STARD13: variants seen among roughly 807,000 people sequenced by gnomAD.
STARD13 encodes StAR related lipid transfer domain containing 13, also known as stAR-related lipid transfer protein 13.
STARD13 carries 62 observed loss-of-function variants against 106.4 expected under a neutral mutation model. The observed-to-expected ratio is 0.58, with a 90% CI of 0.48 to 0.72. The LOEUF is 0.72. Ranked by LOEUF, STARD13 falls within the 30% of genes least tolerant of loss-of-function variation. The pLI is 0.00. For missense variants in STARD13, 1,387 were observed against 1,424.0 expected, an observed-to-expected ratio of 0.97 and a Z score of 0.42; for synonymous variants, 565 against 553.0, an observed-to-expected ratio of 1.02 and a Z score of -0.31.
At chr13:33,675,000 C>G in the STARD13 span, among the ~76,000 whole-genome samples, 1 of 152,146 alleles carries the variant, frequency 6.6e-6, no homozygotes, top group East Asian at 1.9e-4. Flanking sequence ...TAATCCAAGC[C>G]CACTGCTATT....
At chr13:33,640,820 T>C in the STARD13 span, among the ~76,000 whole-genome samples, 1 of 152,190 alleles carries the variant, frequency 6.6e-6, no homozygotes. Context: ...AGAATAGGAA[T>C]TGTTTTTCTT....
intron 2 of STARD13, among the ~76,000 whole-genome samples, chr13:33,166,947 T>C (rs1303090927): frequency 6.6e-6 from 1 of 150,824 alleles, no homozygotes; most frequent in Non-Finnish European, 1.5e-5. Context: ...CGAGTGGAGA[T>C]TGTACCACTG....
At chr13:33,542,906 C>T in the STARD13 span, among the ~76,000 whole-genome samples, 1 of 152,212 alleles carries the variant, frequency 6.6e-6, no homozygotes, top group African/African-American at 2.4e-5. Context: ...GAAACCGTGG[C>T]CCCTGCTTTC....
Position 33,272,126 on chromosome 13 carries a change from T to C in STARD13, c.169+13344A>G, listed in dbSNP as rs1891195150. ...TAATATAGGTAGTGCTGAAAATAGT[T>C]CTTGGTACATCACAGTGGGTCCTCA... On this transcript the variant is annotated intron_variant, in intron 1 of 13. Transcript: ENST00000336934. 2.0e-5 allele frequency among the ~76,000 whole-genome samples: 3 copies of C among 152,256 alleles called. No homozygotes were observed. The South Asian group carries it at 6.2e-4, about 32-fold the overall frequency.
chr13:33,636,354 C>A, the STARD13 span, among the ~76,000 whole-genome samples: 2 of 152,076 alleles, frequency 1.3e-5, no homozygotes, highest in African/African-American at 4.8e-5. Flanking sequence ...GGAGGCTCAG[C>A]AGCTTTTCTC....
chr13:33,286,900 A>G (rs1190705473), upstream of STARD13, among the ~76,000 whole-genome samples: 1 of 152,114 alleles, frequency 6.6e-6, no homozygotes. Context: ...ATGTGTATAT[A>G]TGTGTGTATA....
At chr13:33,611,737 C>T in the STARD13 span, among the ~76,000 whole-genome samples, 4 of 152,182 alleles carry the variant, frequency 2.6e-5, no homozygotes, top group African/African-American at 9.7e-5. Flanking sequence ...AAATGCAGTC[C>T]TTTGTAAAGC....
At chr13:33,295,206 C>G (rs1005000793) in intron 1 of STARD13, among the ~76,000 whole-genome samples, 1 of 152,072 alleles carries the variant, frequency 6.6e-6, no homozygotes, top group African/African-American at 2.4e-5. Context: ...ATAAGACCAC[C>G]AATCTGTACT....
At chr13:33,117,600 T>A in intron 8 of STARD13, 2 of 978,396 alleles carry the variant, frequency 2.0e-6, no homozygotes, top group Non-Finnish European at 2.4e-6. Context: ...GTTTGCTTAC[T>A]TTTCACCAAT....
At chr13:33,210,070 C>T (rs1434634930) in intron 1 of STARD13, among the ~76,000 whole-genome samples, 1 of 152,176 alleles carries the variant, frequency 6.6e-6, no homozygotes, top group Admixed American at 6.5e-5. Context: ...TCGACAACAG[C>T]CGCAGTGTTC....
At chr13:33,475,978 A>AG in the STARD13 span, among the ~76,000 whole-genome samples, 2,179 of 152,250 alleles carry the variant, frequency 0.014, 56 homozygotes, top group African/African-American at 0.047. Flanking sequence ...AAGAAAAAAA[A>AG]GAAAGAAAAA....
the STARD13 span, among the ~76,000 whole-genome samples, chr13:33,574,723 C>A: frequency 1.3e-5 from 2 of 151,832 alleles, no homozygotes; most frequent in Admixed American, 1.3e-4. Context: ...GTCTGGGTAA[C>A]AGAGCAAGAT....
chr13:33,423,254 TCAAA>T, the STARD13 span, among the ~76,000 whole-genome samples: 1 of 151,668 alleles, frequency 6.6e-6, no homozygotes, highest in Non-Finnish European at 1.5e-5. Flanking sequence ...CAAGAAAAAA[TCAAA>T]CAACCCCATC....
intron 1 of STARD13, among the ~76,000 whole-genome samples, chr13:33,278,888 A>G (rs1891600945): frequency 6.6e-6 from 1 of 152,160 alleles, no homozygotes; most frequent in Admixed American, 6.6e-5. Flanking sequence ...ATCTTTAGTT[A>G]TATATTCTTC....
chr13:33,516,423 AC>A, the STARD13 span, among the ~76,000 whole-genome samples: 10 of 151,810 alleles, frequency 6.6e-5, no homozygotes, highest in African/African-American at 1.9e-4. Context: ...AAGTAAAAAA[AC>A]ATATCCCCTT....
the STARD13 span, among the ~76,000 whole-genome samples, chr13:33,517,675 T>C: frequency 6.6e-6 from 1 of 152,174 alleles, no homozygotes; most frequent in African/African-American, 2.4e-5. Flanking sequence ...AGGAAGTTCA[T>C]AGGCAGTATC....
chr13:33,619,856 A>T, the STARD13 span, among the ~76,000 whole-genome samples: 1 of 152,128 alleles, frequency 6.6e-6, no homozygotes. Context: ...TTAGGTCAGG[A>T]GTTTGAGACA....
At chr13:33,140,102 A>G (rs534993665) in intron 4 of STARD13, among the ~76,000 whole-genome samples, 2 of 152,348 alleles carry the variant, frequency 1.3e-5, no homozygotes, top group African/African-American at 4.8e-5. Flanking sequence ...CAATTTACAG[A>G]GGAGCTTTTG....
upstream of STARD13, chr13:33,285,887 G>C (rs1892038903): frequency 4.4e-6 from 3 of 688,966 alleles, no homozygotes; most frequent in East Asian, 8.6e-5. Context: ...CCCGACCAGA[G>C]GCAGTTCCAG....
Sources: allele counts gnomAD v4.1 joint callset (sites outside exome capture counted in the v4.1 genomes callset), GRCh38; gene constraint gnomAD v4.1.1; transcripts MANE v1.5; gene names NCBI Gene and HGNC (gene_info 2026-07-23, HGNC 2026-07-21).